The following PAPOLA variants were observed in gnomAD, a reference collection of about 807,000 sequenced individuals.
PAPOLA encodes the protein polynucleotide adenylyltransferase alpha.
PAPOLA carries 15 observed loss-of-function variants against 100.6 expected under a neutral mutation model. The ratio of observed to expected loss-of-function variants is 0.15; its 90% confidence interval spans 0.10 to 0.23. The LOEUF (loss-of-function observed/expected upper bound fraction) is 0.23. Ranked by LOEUF, PAPOLA falls within the 10% of genes least tolerant of loss-of-function variation. PAPOLA has a pLI of 1.00. For synonymous variants in PAPOLA, 293 were observed against 300.0 expected (o/e 0.98, Z 0.24); for missense variants, 533 against 884.2 (o/e 0.60, Z 5.04).
chr14:96,506,297 T>A (rs1399293061), intron 1 of PAPOLA, among the ~76,000 whole-genome samples: 1 of 152,220 alleles, frequency 6.6e-6, no homozygotes, highest in Non-Finnish European at 1.5e-5. Flanking sequence ...CTTGACACTT[T>A]GTTTATTTAA....
At chr14:96,549,641 C>T (rs1231544570) in intron 16 of PAPOLA, among the ~76,000 whole-genome samples, 5 of 152,140 alleles carry the variant, frequency 3.3e-5, no homozygotes. Flanking sequence ...ACTATTTATA[C>T]ACAGACTGTT....
At chr14:96,514,411 G>T (rs1409550808) in intron 1 of PAPOLA, among the ~76,000 whole-genome samples, 1 of 151,522 alleles carries the variant, frequency 6.6e-6, no homozygotes, top group East Asian at 1.9e-4. Context: ...TCGATCTCCT[G>T]ACGTCGTGAT....
intron 17 of PAPOLA, chr14:96,553,554 C>T (rs1484998654): frequency 6.6e-6 from 1 of 152,592 alleles, no homozygotes; most frequent in Non-Finnish European, 1.5e-5. Context: ...GCTCTGTCAC[C>T]CAGGCTGGAG....
In PAPOLA at chr14:96,560,726, C is replaced by G; in HGVS notation, c.2067+15C>G. On this transcript the variant is annotated intron_variant, in intron 20 of 21. Coordinates refer to ENST00000216277, the MANE Select transcript of PAPOLA (RefSeq NM_032632.5). The stretch of plus-strand genomic sequence containing the variant: ...CAGAAGCAAAGGTATACTAATTTAG[C>G]CTTTAGAATACATACACAATTAAGA... The G allele has an allele frequency of 6.8e-7, 1 of 1,475,478 alleles. No individual in the cohort carries two copies. The highest frequency in any genetic ancestry group is 9.5e-7 in the Non-Finnish European group (1 of 1,058,018). 91.4% of individuals were successfully genotyped at this position (1,475,478 alleles called of 1,614,324 possible).
intron 19 of PAPOLA, among the ~76,000 whole-genome samples, chr14:96,557,419 T>C (rs762414444): frequency 6.6e-6 from 1 of 152,218 alleles, no homozygotes; most frequent in Non-Finnish European, 1.5e-5. Context: ...CCATTAAAAC[T>C]GTACATTGAT....
chr14:96,537,656 A>C (rs1047070276), intron 12 of PAPOLA: 8 of 152,034 alleles, frequency 5.3e-5, no homozygotes, highest in Non-Finnish European at 1.2e-4. Context: ...ACAGGTTAAA[A>C]GCTTCATTAA....
chr14:96,556,059 GT>G, intron 18 of PAPOLA, 112 bp downstream of exon 18: 3 of 1,181,024 alleles, frequency 2.5e-6, no homozygotes, highest in Non-Finnish European at 2.5e-6. Context: ...TTAAATGCCA[GT>G]TTATTTTTTG....
intron 6 of PAPOLA, among the ~76,000 whole-genome samples, chr14:96,528,958 G>A (rs1898747837): frequency 6.6e-6 from 1 of 152,032 alleles, no homozygotes; most frequent in Non-Finnish European, 1.5e-5. Context: ...TATAAGTTGA[G>A]GCCTCATTTT....
chr14:96,561,828 G>GT (rs529927594), intron 20 of PAPOLA, among the ~76,000 whole-genome samples: 4,479 of 125,690 alleles, frequency 0.036, 81 homozygotes, highest in South Asian at 0.061. Flanking sequence ...ACAATATTTC[G>GT]TTTTTTTTTT....
intron 17 of PAPOLA, among the ~76,000 whole-genome samples, chr14:96,554,625 A>G (rs1172876034): frequency 2.0e-5 from 3 of 152,220 alleles, no homozygotes; most frequent in Admixed American, 2.0e-4. Flanking sequence ...AGACAGACAC[A>G]CACACACACA....
chr14:96,525,420 G>GT (rs748076524), intron 4 of PAPOLA, 29 bp downstream of exon 4: 2 of 932,084 alleles, frequency 2.1e-6, no homozygotes, highest in South Asian at 3.1e-5. Context: ...TTCTTAGAAA[G>GT]GGACCCTTTA....
At chr14:96,507,295 T>G (rs940809644) in intron 1 of PAPOLA, among the ~76,000 whole-genome samples, 1 of 137,268 alleles carries the variant, frequency 7.3e-6, no homozygotes, top group Non-Finnish European at 1.5e-5. Context: ...TTTTTTTTTT[T>G]TTTTTTTTTT....
chr14:96,529,649 G>C (rs1278196841), intron 6 of PAPOLA, among the ~76,000 whole-genome samples: 1 of 152,032 alleles, frequency 6.6e-6, no homozygotes, highest in Non-Finnish European at 1.5e-5. Flanking sequence ...TTGAACCCGG[G>C]AAGTGGAGGT....
intron 9 of PAPOLA, chr14:96,534,278 T>C: frequency 7.4e-7 from 1 of 1,355,420 alleles, no homozygotes; most frequent in Non-Finnish European, 9.4e-7. Context: ...TTGGTTTCAG[T>C]CTGAGAAGGC....
intron 1 of PAPOLA, 76 bp downstream of exon 1, chr14:96,502,676 G>A: frequency 6.6e-7 from 1 of 1,512,092 alleles, no homozygotes; most frequent in Non-Finnish European, 8.9e-7. Context: ...GAAGAGGTAG[G>A]CGGAGAGGGT....
At chr14:96,525,269 T>C (rs1452747109) in intron 3 of PAPOLA, 41 bp from the exon 4 acceptor site, 8 of 890,208 alleles carry the variant, frequency 9.0e-6, no homozygotes, top group African/African-American at 1.7e-5. Flanking sequence ...ATAGTTTCCC[T>C]TGTGCTCCAC....
At chr14:96,506,747 A>G (rs1249344807) in intron 1 of PAPOLA, among the ~76,000 whole-genome samples, 1 of 152,214 alleles carries the variant, frequency 6.6e-6, no homozygotes, top group African/African-American at 2.4e-5. Flanking sequence ...AATTCAGTGA[A>G]CCCATATTTT....
intron 20 of PAPOLA, 59 bp from the exon 21 acceptor site, chr14:96,562,760 T>TAA (rs1901961105): frequency 9.7e-7 from 1 of 1,029,306 alleles, no homozygotes; most frequent in Non-Finnish European, 1.5e-6. Flanking sequence ...AACCCAGTTA[T>TAA]GTTCTTTTAT....
chr14:96,541,195 T>A (rs1252146789), intron 12 of PAPOLA, among the ~76,000 whole-genome samples: 1 of 152,204 alleles, frequency 6.6e-6, no homozygotes, highest in Non-Finnish European at 1.5e-5. Flanking sequence ...GCTGAAACCA[T>A]GTTTCAAATA....
Sources: allele counts gnomAD v4.1 joint callset (sites outside exome capture counted in the v4.1 genomes callset), GRCh38; gene constraint gnomAD v4.1.1; transcripts MANE v1.5; gene names NCBI Gene and HGNC (gene_info 2026-07-23, HGNC 2026-07-21).